The following HMCN1 variants were observed in gnomAD, a reference collection of about 807,000 sequenced individuals.
HMCN1 encodes the protein hemicentin 1.
HMCN1 carries 321 observed loss-of-function variants against 625.9 expected under a neutral mutation model. The observed-to-expected ratio is 0.51, with a 90% CI of 0.47 to 0.56. The LOEUF is 0.56. HMCN1 is among the 20% of genes least tolerant of loss of function. The pLI is 0.00. For missense variants in HMCN1, 6,588 were observed against 6,887.3 expected (o/e 0.96, Z 1.54); for synonymous variants, 2,425 against 2,417.6 (o/e 1.00, Z -0.09).
At chr1:185,807,007 A>C (rs1418569673) in intron 1 of HMCN1, among the ~76,000 whole-genome samples, 1 of 152,158 alleles carries the variant, frequency 6.6e-6, no homozygotes, top group African/African-American at 2.4e-5. Flanking sequence ...TTGACTTTGA[A>C]ATACCTTTAA....
intron 33 of HMCN1, among the ~76,000 whole-genome samples, chr1:186,017,857 C>T (rs889024623): frequency 8.6e-5 from 13 of 151,910 alleles, no homozygotes; most frequent in Admixed American, 2.0e-4. Flanking sequence ...GGTATGCATG[C>T]GTAATAATCA....
rs186290599 is a variant in HMCN1 at position 185,747,534 on chromosome 1, G to C, written c.268+12487G>C. On this transcript the variant is annotated intron_variant, in intron 1 of 106. Transcript: ENST00000271588. ...AGGGTTTCACCATGTTGGCCAGGCT[G>C]GTCTCGAACTCCTGACCTCAAGTGA... is the stretch of plus-strand genomic sequence containing the variant. Among the ~76,000 whole-genome samples, 260 of 152,126 alleles carry C rather than the reference G, an allele frequency of 1.7e-3. 3 individuals carry two copies. The highest frequency in any genetic ancestry group is 2.1e-3 in the Non-Finnish European group (141 of 67,992).
intron 64 of HMCN1, among the ~76,000 whole-genome samples, chr1:186,092,721 T>C (rs1277824077): frequency 1.3e-5 from 2 of 152,000 alleles, no homozygotes; most frequent in Admixed American, 6.6e-5. Flanking sequence ...AATGATCCTA[T>C]TGTGTTTTTT....
intron 2 of HMCN1, among the ~76,000 whole-genome samples, chr1:185,853,447 A>G (rs566287809): frequency 1.3e-5 from 2 of 152,162 alleles, no homozygotes; most frequent in South Asian, 2.1e-4. Flanking sequence ...ATTCATAGGT[A>G]GTGTTTTGAT....
At chr1:185,997,942 A>C (rs1558129254) in intron 25 of HMCN1, among the ~76,000 whole-genome samples, 1 of 150,976 alleles carries the variant, frequency 6.6e-6, no homozygotes, top group Admixed American at 6.6e-5. Flanking sequence ...ACTTCTAAAA[A>C]CCTCTTTTCC....
intron 9 of HMCN1, among the ~76,000 whole-genome samples, chr1:185,926,841 GC>G (rs1667302176): frequency 6.6e-6 from 1 of 152,198 alleles, no homozygotes; most frequent in East Asian, 1.9e-4. Flanking sequence ...TGCATTAGCA[GC>G]AGGGTGCATT....
intron 25 of HMCN1, among the ~76,000 whole-genome samples, chr1:185,998,011 T>G (rs1415159239): frequency 6.6e-6 from 1 of 152,136 alleles, no homozygotes; most frequent in Admixed American, 6.6e-5. Context: ...CTTGGAGGTT[T>G]ATTCAAGCCC....
chr1:185,895,281 A>AT (rs1665420658), intron 4 of HMCN1, among the ~76,000 whole-genome samples: 1 of 152,112 alleles, frequency 6.6e-6, no homozygotes, highest in East Asian at 1.9e-4. Flanking sequence ...GTTCTTAGTG[A>AT]TTTTTTGTAT....
intron 10 of HMCN1, 129 bp downstream of exon 10, chr1:185,928,796 G>T: frequency 1.7e-5 from 17 of 997,124 alleles, no homozygotes; most frequent in East Asian, 5.5e-5. Context: ...TCTCTCCACT[G>T]AATTGAGAAC....
chr1:186,109,662 G>A (rs1318022295), intron 71 of HMCN1, among the ~76,000 whole-genome samples: 1 of 152,170 alleles, frequency 6.6e-6, no homozygotes, highest in East Asian at 1.9e-4. Context: ...AGTTTTAAAG[G>A]ATCAGTATAT....
chr1:186,003,732 A>G lies in HMCN1; in HGVS notation c.4363A>G (p.Ile1455Val). The change falls in exon 29 of 107, where the codon ATA becomes GTA. Residue 1455 changes from isoleucine (I) to valine (V), a missense_variant. Ile to Val is a conservative substitution (Grantham distance 29). Around this residue, in one of 3 missense-constraint regions of HMCN1, gnomAD observed 4,628 missense variants for 4,853.1 expected, o/e 0.95. Transcript: ENST00000271588. ...CTTTGTTCAAGTTCCACCCACCATAATAGGTACCAACTTCCCAAATGAAGT... is the reference window on the plus strand; with the variant it reads ...CTTTGTTCAAGTTCCACCCACCATAGTAGGTACCAACTTCCCAAATGAAGT... ...NIDVLVPPTI[I>V]GTNFPNEVSV... 1 of 1,613,272 alleles carries G rather than the reference A, an allele frequency of 6.2e-7. No homozygotes were observed. Among genetic ancestry groups the G allele is most frequent in the Non-Finnish European group, 8.5e-7 (1 of 1,179,396 alleles).
At chr1:186,134,835 C>T (rs772393614) in intron 86 of HMCN1, among the ~76,000 whole-genome samples, 3 of 152,130 alleles carry the variant, frequency 2.0e-5, no homozygotes, top group Non-Finnish European at 4.4e-5. Flanking sequence ...TGCTCTCATC[C>T]CATCATGCTC....
chr1:185,894,762 A>G (rs1665387783), intron 4 of HMCN1, among the ~76,000 whole-genome samples: 1 of 152,086 alleles, frequency 6.6e-6, no homozygotes, highest in South Asian at 2.1e-4. Context: ...AAGATTTTGG[A>G]TTTTCTTTGA....
chr1:185,836,797 A>G (rs1419449372), intron 1 of HMCN1, among the ~76,000 whole-genome samples: 3 of 151,908 alleles, frequency 2.0e-5, no homozygotes, highest in Non-Finnish European at 2.9e-5. Context: ...TCCACCTTCA[A>G]GTAGACCTGG....
At chr1:186,121,557 G>A (rs923746571) in intron 80 of HMCN1, among the ~76,000 whole-genome samples, 2 of 152,170 alleles carry the variant, frequency 1.3e-5, no homozygotes, top group Non-Finnish European at 2.9e-5. Flanking sequence ...CTAGTGAGTA[G>A]ATGATAGTGC....
chr1:185,771,730 A>G (rs1467881942), intron 1 of HMCN1, among the ~76,000 whole-genome samples: 1 of 152,156 alleles, frequency 6.6e-6, no homozygotes, highest in African/African-American at 2.4e-5. Context: ...ATCCATTTCA[A>G]GAGTACCACA....
intron 36 of HMCN1, among the ~76,000 whole-genome samples, chr1:186,034,622 A>G (rs1419746815): frequency 6.6e-6 from 1 of 152,096 alleles, no homozygotes; most frequent in African/African-American, 2.4e-5. Flanking sequence ...TGTGTCTGCT[A>G]GGCTGCTTTT....
chr1:185,925,112 T>C lies in HMCN1; in HGVS notation c.1351T>C (p.Cys451Arg). The change falls in exon 9 of 107, where the codon TGC (cysteine) becomes CGC (arginine). Residue 451 changes from cysteine (C) to arginine (R), a missense_variant. Transcript: ENST00000271588. The part of the protein sequence containing the change: ...GYYLQPGQIP[C>R]SVDSLLPFTL... ...CTATCTGCAGCCGGGCCAAATTCCC[T>C]GCTCTGTTGACAGTCTTTTGCCCTT... The C allele has an allele frequency of 2.5e-6, 4 of 1,613,912 alleles. No individual in the cohort carries two copies. Among genetic ancestry groups the C allele is most frequent in the Non-Finnish European group, 3.4e-6 (4 of 1,179,748 alleles).
intron 58 of HMCN1, 100 bp from the exon 59 acceptor site, chr1:186,087,117 T>G (rs1659545245): frequency 1.3e-6 from 1 of 779,212 alleles, no homozygotes; most frequent in East Asian, 2.6e-5. Context: ...TAAATTTTAC[T>G]CTAAGGGGAA....
Sources: allele counts gnomAD v4.1 joint callset (sites outside exome capture counted in the v4.1 genomes callset), GRCh38; gene constraint gnomAD v4.1.1; regional missense constraint gnomAD v4.1.1; transcripts MANE v1.5; gene names NCBI Gene and HGNC (gene_info 2026-07-23, HGNC 2026-07-21).